The following ETF1 variants were observed in gnomAD, a reference collection of about 807,000 sequenced individuals.
The protein encoded by ETF1 is eukaryotic peptide chain release factor subunit 1.
In ETF1, 4 loss-of-function variants were observed where a neutral mutation model predicts 55.1. The ratio of observed to expected loss-of-function variants is 0.07; its 90% CI spans 0.04 to 0.17. The LOEUF is 0.17. ETF1 is among the 10% of genes least tolerant of loss of function. The probability of loss-of-function intolerance (pLI) is 1.00; values close to 1 mark genes in which losing one functional copy is unlikely to be tolerated. For synonymous variants in ETF1, 157 were observed against 182.3 expected, an observed-to-expected ratio of 0.86 and a Z score of 1.12; for missense variants, 142 against 523.6, an observed-to-expected ratio of 0.27 and a Z score of 7.11.
chr5:138,532,198 T>C (rs1765730356), intron 2 of ETF1, among the ~76,000 whole-genome samples: 1 of 152,216 alleles, frequency 6.6e-6, no homozygotes, highest in Non-Finnish European at 1.5e-5. Flanking sequence ...CATTGTTTTA[T>C]TCACTGTGTG....
intron 2 of ETF1, among the ~76,000 whole-genome samples, chr5:138,523,556 T>C (rs1765328866): frequency 6.6e-6 from 1 of 152,048 alleles, no homozygotes; most frequent in African/African-American, 2.4e-5. Context: ...CCACATATTG[T>C]ATAGTTCCAT....
chr5:138,511,383 C>G, intron 7 of ETF1, 92 bp downstream of exon 7: 1 of 1,403,032 alleles, frequency 7.1e-7, no homozygotes, highest in Non-Finnish European at 9.3e-7. Context: ...CATACAATCA[C>G]GTACATACAC....
intron 4 of ETF1, 175 bp from the exon 5 acceptor site, chr5:138,513,881 G>T (rs955231554): frequency 2.5e-6 from 2 of 802,828 alleles, no homozygotes; most frequent in African/African-American, 1.9e-5. Context: ...AACTCTTATG[G>T]ACAAATTTGA....
rs1765076946 is a variant in ETF1 at position 138,517,718 on chromosome 5, A to G, written c.263-18T>C. On this transcript the variant is annotated intron_variant, in intron 3 of 10. Transcript: ENST00000360541. ...TGGAGGTACTGCAAAGAACACAAACAATTTTTCTACTTTACCCCATATCTA... is the reference window on the plus strand; with the variant it reads ...TGGAGGTACTGCAAAGAACACAAACGATTTTTCTACTTTACCCCATATCTA... 1 of 1,436,342 alleles carries G rather than the reference A, an allele frequency of 7.0e-7. No homozygotes were observed. The highest frequency in any genetic ancestry group is 1.6e-5 in the South Asian group (1 of 64,200). The allele number at this position is 1,436,342 out of a possible 1,614,324, so 89.0% of individuals were successfully genotyped here.
intron 2 of ETF1, among the ~76,000 whole-genome samples, chr5:138,520,870 C>A (rs1765204560): frequency 6.6e-6 from 1 of 152,044 alleles, no homozygotes; most frequent in African/African-American, 2.4e-5. Context: ...AAATTGGAAC[C>A]CTTGTGCATT....
chr5:138,512,556 T>G lies in ETF1; in HGVS notation c.732+208A>C, dbSNP rs1764862596. ...CCACAGGATCCATAAGAAGCCCACC[T>G]AAAAATGGTTGATTTCAGAAGAGAA... On this transcript the variant is annotated intron_variant, in intron 6 of 10. Coordinates refer to ENST00000360541, the MANE Select transcript of ETF1 (RefSeq NM_004730.4). 4 of 445,488 alleles carry G rather than the reference T, an allele frequency of 9.0e-6. No homozygotes were observed. The South Asian group carries it at 1.9e-4, about 21-fold the overall frequency. 27.6% of individuals were successfully genotyped at this position (445,488 alleles called of 1,614,324 possible). A position where few individuals can be genotyped will look rare whatever the true frequency, so the allele number is the denominator to read the frequency against.
At chr5:138,523,006 AAAACAAACAAAC>A (rs145234315) in intron 2 of ETF1, among the ~76,000 whole-genome samples, 40 of 150,852 alleles carry the variant, frequency 2.7e-4, no homozygotes, top group Non-Finnish European at 4.6e-4. Context: ...ACTCCATCTC[AAAACAAACAAAC>A]AAACAAACAA....
chr5:138,526,390 C>T (rs1424174783), intron 2 of ETF1, among the ~76,000 whole-genome samples: 1 of 152,140 alleles, frequency 6.6e-6, no homozygotes, highest in Non-Finnish European at 1.5e-5. Flanking sequence ...AGCTTATTTT[C>T]ATAAAGCAAA....
intron 9 of ETF1, among the ~76,000 whole-genome samples, chr5:138,509,844 G>A (rs1764693071): frequency 1.4e-5 from 2 of 140,094 alleles, no homozygotes; most frequent in African/African-American, 2.7e-5. Flanking sequence ...GCAGTGAGCC[G>A]AGATCACACC....
In ETF1 at chr5:138,518,750, G is replaced by A; in HGVS notation, c.204C>T (p.Arg68=). 1.2e-6 allele frequency: 2 copies of A among 1,613,764 alleles called. No homozygotes were observed. The highest frequency in any genetic ancestry group is 1.7e-6 in the Non-Finnish European group (2 of 1,179,648). Residue 68 remains arginine, a synonymous_variant, in exon 3 of 11, where the codon CGC becomes CGT. Transcript: ENST00000360541. ...ATGTAATGGCTCCCAGGACTGAAAG[G>A]CGGTTTACTCGTGACTTAATGTTAG... is the stretch of plus-strand genomic sequence containing the variant. The part of the protein sequence containing the change: ...TASNIKSRVN[R]LSVLGAITSV...
At chr5:138,517,732 AC>A in intron 3 of ETF1, 32 bp from the exon 4 acceptor site, 1 of 1,402,956 alleles carries the variant, frequency 7.1e-7, no homozygotes, top group Non-Finnish European at 9.4e-7. Flanking sequence ...TTTCTACTTT[AC>A]CCCATATCTA....
intron 2 of ETF1, 21 bp downstream of exon 2, chr5:138,542,812 G>A (rs752432113): frequency 9.9e-6 from 16 of 1,611,324 alleles, no homozygotes; most frequent in South Asian, 6.6e-5. Flanking sequence ...GGGCACGGAG[G>A]GTGCCGGACG....
chr5:138,537,019 T>A (rs1447955772), intron 2 of ETF1, among the ~76,000 whole-genome samples: 1 of 152,268 alleles, frequency 6.6e-6, no homozygotes, highest in Admixed American at 6.5e-5. Flanking sequence ...GCTATTACAA[T>A]AGGAGGTCTG....
At chr5:138,511,415 C>T (rs565703663) in intron 7 of ETF1, 60 bp downstream of exon 7, 3 of 1,572,410 alleles carry the variant, frequency 1.9e-6, no homozygotes, top group East Asian at 2.9e-5. Context: ...CACACACACA[C>T]ACACACACAC....
At chr5:138,518,316 TTC>T (rs1765105260) in intron 3 of ETF1, among the ~76,000 whole-genome samples, 1 of 151,966 alleles carries the variant, frequency 6.6e-6, no homozygotes, top group Non-Finnish European at 1.5e-5. Flanking sequence ...GTCCAGTTGA[TTC>T]TCTCGCCTCA....
intron 2 of ETF1, among the ~76,000 whole-genome samples, chr5:138,540,875 A>T (rs1181700184): frequency 1.3e-5 from 2 of 152,208 alleles, no homozygotes; most frequent in African/African-American, 4.8e-5. Context: ...ACATGGGTAG[A>T]ACAAATTTAA....
At chr5:138,527,557 T>C (rs1326633526) in intron 2 of ETF1, among the ~76,000 whole-genome samples, 1 of 152,236 alleles carries the variant, frequency 6.6e-6, no homozygotes, top group Non-Finnish European at 1.5e-5. Flanking sequence ...ATACTTGCTT[T>C]GGAAGAGACT....
chr5:138,531,047 T>C (rs1443960935), intron 2 of ETF1, among the ~76,000 whole-genome samples: 2 of 152,162 alleles, frequency 1.3e-5, no homozygotes, highest in African/African-American at 4.8e-5. Flanking sequence ...GGTTTGAAGG[T>C]GTCCCCCCAA....
At position 138,510,723 on chromosome 5, in the gene ETF1, A is replaced by T. The variant is rs190837034; in HGVS notation, c.1019-94T>A. The T allele has an allele frequency of 9.9e-6, 15 of 1,510,498 alleles. No homozygotes were observed. In the East Asian group the frequency reaches 3.0e-4, roughly 30 times the overall value. The allele number at this position is 1,510,498 out of a possible 1,614,324, so 93.6% of individuals were successfully genotyped here. On this transcript the variant is annotated intron_variant, in intron 8 of 10. Coordinates refer to ENST00000360541, the MANE Select transcript of ETF1 (RefSeq NM_004730.4). ...ATGAGGTTAGATGAGAAAAGGGCTC[A>T]GGGACTCAATCTCTCAACATTTTTT...
Sources: allele counts gnomAD v4.1 joint callset (sites outside exome capture counted in the v4.1 genomes callset), GRCh38; gene constraint gnomAD v4.1.1; transcripts MANE v1.5; gene names NCBI Gene and HGNC (gene_info 2026-07-23, HGNC 2026-07-21).